Variants in WASF1 observed in about 807,000 individuals in gnomAD.
The protein encoded by WASF1 is actin-binding protein WASF1.
Under a neutral mutation model 50.5 loss-of-function variants are expected in WASF1, and 7 were observed. That is an observed-to-expected ratio of 0.14 (90% CI 0.08 to 0.26). The LOEUF (loss-of-function observed/expected upper bound fraction) is 0.26. Ranked by LOEUF, WASF1 falls within the 10% of genes least tolerant of loss-of-function variation. The probability of loss-of-function intolerance (pLI) is 1.00; values close to 1 mark genes in which losing one functional copy is unlikely to be tolerated. For synonymous variants in WASF1, 205 were observed against 244.0 expected (o/e 0.84, Z 1.49); for missense variants, 470 against 694.7 (o/e 0.68, Z 3.64).
intron 3 of WASF1, among the ~76,000 whole-genome samples, chr6:110,149,591 A>G (rs1025086412): frequency 6.6e-6 from 1 of 152,112 alleles, no homozygotes; most frequent in African/African-American, 2.4e-5. Context: ...CGATTTTTGT[A>G]GATTAGCAAA....
intron 4 of WASF1, among the ~76,000 whole-genome samples, chr6:110,116,642 T>A (rs965241215): frequency 6.6e-6 from 1 of 152,164 alleles, no homozygotes; most frequent in Non-Finnish European, 1.5e-5. Context: ...GACTTAAACA[T>A]CCTTGTCTGA....
chr6:110,100,656 C>T lies in WASF1; in HGVS notation c.1546G>A (p.Glu516Lys). The T allele has an allele frequency of 6.2e-7, 1 of 1,612,818 alleles. No homozygotes were observed. Among genetic ancestry groups the T allele is most frequent in the Non-Finnish European group, 8.5e-7 (1 of 1,179,476 alleles). The change falls in exon 11 of 11, where the codon GAG (glutamate) becomes AAG (lysine). Residue 516 changes from glutamate (E) to lysine (K), a missense_variant. Coordinates refer to ENST00000392589, the MANE Select transcript of WASF1 (RefSeq NM_003931.3). ...RKGIQLRKVE[E>K]QREQEAKHER... ...TGCTTAGCTTCCTGTTCACGCTGCT[C>T]TTCTACTTTGCGTAGCTGAATACCT... is the stretch of plus-strand genomic sequence containing the variant.
chr6:110,116,718 T>G (rs1773828965), intron 4 of WASF1, among the ~76,000 whole-genome samples: 2 of 152,080 alleles, frequency 1.3e-5, no homozygotes, highest in East Asian at 1.9e-4. Flanking sequence ...ACAGACTGCC[T>G]CCTCAAGTGG....
chr6:110,142,952 T>TAAAAAAAA (rs5879060), intron 3 of WASF1, among the ~76,000 whole-genome samples: 6 of 119,166 alleles, frequency 5.0e-5, no homozygotes, highest in South Asian at 2.8e-4. Flanking sequence ...CCCAATGATG[T>TAAAAAAAA]AAAAAAAAAA....
At chr6:110,104,258 A>G (rs1318969863) in intron 8 of WASF1, among the ~76,000 whole-genome samples, 1 of 152,244 alleles carries the variant, frequency 6.6e-6, no homozygotes, top group Non-Finnish European at 1.5e-5. Context: ...GCACACAGCA[A>G]GTCAGAAATT....
At position 110,103,389 on chromosome 6, in the gene WASF1, G is replaced by A. The variant is rs942923804; in HGVS notation, c.882C>T (p.Pro294=). ...MHGAGDAKPI[P]TCISSATGLI... ...TTGTTCCAACATACCTGATACAGGT[G>A]GGTATCGGTTTTGCATCTCCTGCTC... is the stretch of plus-strand genomic sequence containing the variant. The change falls in exon 9 of 11, where the codon CCC becomes CCT. Residue 294 remains proline (P), a synonymous_variant. Coordinates refer to ENST00000392589, the MANE Select transcript of WASF1 (RefSeq NM_003931.3). 3.1e-6 allele frequency: 5 copies of A among 1,612,728 alleles called. No individual in the cohort carries two copies. Among genetic ancestry groups the A allele is most frequent in the South Asian group, 2.2e-5 (2 of 90,838 alleles).
At chr6:110,169,654 A>T (rs1776615699) in intron 2 of WASF1, among the ~76,000 whole-genome samples, 2 of 152,174 alleles carry the variant, frequency 1.3e-5, no homozygotes, top group African/African-American at 4.8e-5. Flanking sequence ...AAATAATCCC[A>T]TTTTTTCATT....
intron 2 of WASF1, among the ~76,000 whole-genome samples, chr6:110,176,986 G>A (rs74935930): frequency 1.8e-3 from 275 of 152,136 alleles, no homozygotes; most frequent in African/African-American, 6.1e-3. Context: ...AAGGTACTAT[G>A]TACTGTGATA....
intron 2 of WASF1, among the ~76,000 whole-genome samples, chr6:110,166,975 A>T (rs1776503190): frequency 6.6e-6 from 1 of 151,950 alleles, no homozygotes; most frequent in South Asian, 2.1e-4. Context: ...CTGGAGTTGC[A>T]GTCATGAGTT....
chr6:110,105,713 A>T, intron 7 of WASF1, 134 bp from the exon 8 acceptor site: 3 of 852,544 alleles, frequency 3.5e-6, no homozygotes, highest in Non-Finnish European at 5.3e-6. Flanking sequence ...AAAGTAACAC[A>T]GAAATGGTTT....
At chr6:110,135,474 A>C (rs1461452336) in intron 3 of WASF1, among the ~76,000 whole-genome samples, 3 of 151,578 alleles carry the variant, frequency 2.0e-5, no homozygotes, top group Non-Finnish European at 2.9e-5. Context: ...TGTTACTCTT[A>C]CTCTGTTAGT....
At position 110,100,426 on chromosome 6, in the gene WASF1, G is replaced by T; in HGVS notation, c.*96C>A. ...AAAGGGTCATTTATTATAAGGAAAA[G>T]AAAGCAAAACACTAGAATGACCAAA... On this transcript the variant is annotated 3_prime_UTR_variant, in exon 11 of 11. Transcript: ENST00000392589. 1 of 1,206,144 alleles carries T rather than the reference G, an allele frequency of 8.3e-7. No homozygotes were observed. Among genetic ancestry groups the T allele is most frequent in the Non-Finnish European group, 1.1e-6 (1 of 910,622 alleles). 74.7% of individuals were successfully genotyped at this position (1,206,144 alleles called of 1,614,324 possible).
At chr6:110,131,601 G>A (rs1774673521) in intron 3 of WASF1, among the ~76,000 whole-genome samples, 2 of 152,128 alleles carry the variant, frequency 1.3e-5, no homozygotes, top group Non-Finnish European at 2.9e-5. Context: ...TTCGCCTCTT[G>A]GGTTCAAGCG....
intron 4 of WASF1, among the ~76,000 whole-genome samples, chr6:110,124,272 CTCTATATATA>C (rs1190640885): frequency 9.4e-5 from 4 of 42,660 alleles, no homozygotes; most frequent in African/African-American, 2.8e-4. Flanking sequence ...CTCTCTCTCT[CTCTATATATA>C]TATATATATA....
At position 110,179,561 on chromosome 6, in the gene WASF1, C is replaced by T. The variant is rs1777114954; in HGVS notation, c.-394G>A. The T allele has an allele frequency of 1.3e-5, 2 of 151,982 alleles. No homozygotes were observed. 9.4% of individuals were successfully genotyped at this position (151,982 alleles called of 1,614,324 possible). ...GAGGGTCGGGCTCTGGGGCGGAACC[C>T]GCTCAGGGCAGCGGCCCAGGCGCCA... is the stretch of plus-strand genomic sequence containing the variant. On this transcript the variant is annotated 5_prime_UTR_variant, in exon 1 of 11. Transcript: ENST00000392589.
chr6:110,134,940 T>C (rs1401298728), intron 3 of WASF1, among the ~76,000 whole-genome samples: 1 of 152,158 alleles, frequency 6.6e-6, no homozygotes, highest in African/African-American at 2.4e-5. Context: ...AATTGCATTT[T>C]GTAGATTGCT....
At chr6:110,144,116 C>T (rs951029851) in intron 3 of WASF1, among the ~76,000 whole-genome samples, 1 of 152,200 alleles carries the variant, frequency 6.6e-6, no homozygotes, top group South Asian at 2.1e-4. Context: ...ACATCCTCTC[C>T]AGCACCTGTT....
intron 3 of WASF1, among the ~76,000 whole-genome samples, chr6:110,154,072 C>T (rs985925700): frequency 3.3e-5 from 5 of 152,028 alleles, no homozygotes; most frequent in Admixed American, 1.3e-4. Flanking sequence ...GTGAACTCTC[C>T]TTTTCTATAT....
chr6:110,152,021 T>C (rs1213210980), intron 3 of WASF1, among the ~76,000 whole-genome samples: 2 of 152,204 alleles, frequency 1.3e-5, no homozygotes, highest in African/African-American at 2.4e-5. Flanking sequence ...AATTCTAAGA[T>C]GGCCGCATGA....
Sources: gnomAD v4.1 joint callset for allele counts (sites outside exome capture counted in the v4.1 genomes callset) on GRCh38, gnomAD v4.1.1 for gene constraint, MANE v1.5 for transcripts, NCBI Gene and HGNC (gene_info 2026-07-23, HGNC 2026-07-21) for gene names.